Variants in INTS9 observed in about 807,000 individuals in gnomAD.
The protein encoded by INTS9 is integrator complex subunit 9, also known as protein related to CPSF subunits of 74 kDa.
Under a neutral mutation model 79.7 loss-of-function variants are expected in INTS9, and 55 were observed. The observed-to-expected ratio is 0.69, with a 90% CI of 0.56 to 0.86. INTS9 has a LOEUF of 0.86. Ranked by LOEUF, INTS9 falls within the 40% of genes least tolerant of loss-of-function variation. The pLI is 0.00. For synonymous variants in INTS9, 319 were observed against 325.2 expected, an observed-to-expected ratio of 0.98 and a Z score of 0.20; for missense variants, 721 against 831.5, an observed-to-expected ratio of 0.87 and a Z score of 1.64.
At chr8:28,876,660 G>A (rs899179539) in intron 1 of INTS9, among the ~76,000 whole-genome samples, 9 of 151,964 alleles carry the variant, frequency 5.9e-5, no homozygotes, top group African/African-American at 2.2e-4. Context: ...ATAAGCCACT[G>A]CAATTACATC....
intron 1 of INTS9, among the ~76,000 whole-genome samples, chr8:28,861,833 T>C (rs754637310): frequency 1.3e-5 from 2 of 152,196 alleles, no homozygotes. Context: ...AAGTGAGGAA[T>C]GCTAACGGCT....
At chr8:28,844,591 C>T (rs570792387) in intron 4 of INTS9, among the ~76,000 whole-genome samples, 6 of 152,076 alleles carry the variant, frequency 3.9e-5, no homozygotes, top group East Asian at 1.9e-4. Context: ...TTTGGGAGGC[C>T]GAGGCAGGTG....
chr8:28,885,387 T>G (rs1266129241), intron 1 of INTS9, among the ~76,000 whole-genome samples: 2 of 152,220 alleles, frequency 1.3e-5, no homozygotes, highest in Non-Finnish European at 2.9e-5. Context: ...CCCAAAGGAT[T>G]AACATTAATC....
chr8:28,888,118 T>C (rs1374293739), intron 1 of INTS9, among the ~76,000 whole-genome samples: 3 of 152,212 alleles, frequency 2.0e-5, no homozygotes, highest in Non-Finnish European at 2.9e-5. Flanking sequence ...CTGACCTCTT[T>C]CATGGAAGGC....
At chr8:28,846,331 A>G (rs1001956491) in intron 4 of INTS9, among the ~76,000 whole-genome samples, 1 of 152,236 alleles carries the variant, frequency 6.6e-6, no homozygotes, top group Non-Finnish European at 1.5e-5. Flanking sequence ...ACAATATTCA[A>G]TATGGTATTT....
rs771089801 is a variant in INTS9 at position 28,793,881 on chromosome 8, A to G, written c.963T>C (p.Leu321=). Residue 321 remains leucine (L), a synonymous_variant, in exon 10 of 17, where the codon CTT becomes CTC. Coordinates refer to ENST00000521022, the MANE Select transcript of INTS9 (RefSeq NM_018250.4). ...CLYQYIDSAG[L]SSVPLYFISP... is the part of the protein sequence containing the mutation. ...AGATGAAGTAGAGGGGGACGCTGGA[A>G]AGCCCGGCTGAGTCGATGTACTGAT... 2.5e-6 allele frequency: 4 copies of G among 1,614,090 alleles called. No homozygotes were observed. In the Admixed American group the frequency reaches 6.7e-5, roughly 27 times the overall value.
chr8:28,865,260 A>T lies in INTS9; in HGVS notation c.10-5697T>A, dbSNP rs186732583. Among the ~76,000 whole-genome samples, 606 of 151,728 alleles carry T rather than the reference A, an allele frequency of 4.0e-3. 3 individuals carry two copies. Among genetic ancestry groups the T allele is most frequent in the African/African-American group, 0.014 (571 of 41,408 alleles). Reference sequence around the variant, plus strand: ...CTGTGCAGATATAAAATTTTATTTTAAAAAAAACACATTAGACAATGATTC... The same window carrying T: ...CTGTGCAGATATAAAATTTTATTTTTAAAAAAACACATTAGACAATGATTC... On this transcript the variant is annotated intron_variant, in intron 1 of 16. Transcript: ENST00000521022.
chr8:28,792,940 A>G (rs1232374867), intron 10 of INTS9, among the ~76,000 whole-genome samples: 1 of 151,818 alleles, frequency 6.6e-6, no homozygotes. Flanking sequence ...ACAAAGAAGA[A>G]TAATTTGTAC....
At chr8:28,821,450 C>T (rs1805823189) in intron 6 of INTS9, among the ~76,000 whole-genome samples, 1 of 152,198 alleles carries the variant, frequency 6.6e-6, no homozygotes, top group South Asian at 2.1e-4. Flanking sequence ...CCCCCTGGGT[C>T]CCTCCCACAA....
At chr8:28,846,499 C>T (rs986217664) in intron 4 of INTS9, among the ~76,000 whole-genome samples, 3 of 152,084 alleles carry the variant, frequency 2.0e-5, no homozygotes, top group African/African-American at 7.2e-5. Flanking sequence ...CTATGCCCTA[C>T]TAGGAGTATT....
In INTS9 at chr8:28,768,007, A is replaced by G. The variant is rs1324719290; in HGVS notation, c.*139T>C. The G allele has an allele frequency of 5.2e-6, 4 of 763,002 alleles. No homozygotes were observed. Among genetic ancestry groups the G allele is most frequent in the African/African-American group, 5.2e-5 (3 of 57,970 alleles). The allele number at this position is 763,002 out of a possible 1,614,324, so 47.3% of individuals were successfully genotyped here. On this transcript the variant is annotated 3_prime_UTR_variant, in exon 17 of 17. Coordinates refer to ENST00000521022, the MANE Select transcript of INTS9 (RefSeq NM_018250.4). ...GAATAAGTCCAGACCATTTCCCTCA[A>G]GAGCCACCTCTTCACTCCTTAAGCC... is the stretch of plus-strand genomic sequence containing the variant.
At chr8:28,768,505 G>A in intron 16 of INTS9, 183 bp from the exon 17 acceptor site, 1 of 618,900 alleles carries the variant, frequency 1.6e-6, no homozygotes, top group African/African-American at 1.8e-5. Flanking sequence ...CCCTAAACAT[G>A]CAAAAGCTCA....
At chr8:28,859,357 A>C in intron 2 of INTS9, 79 bp downstream of exon 2, 1 of 1,447,276 alleles carries the variant, frequency 6.9e-7, no homozygotes, top group Non-Finnish European at 9.5e-7. Context: ...TATACTAGGT[A>C]CTAGTAACCT....
intron 11 of INTS9, among the ~76,000 whole-genome samples, chr8:28,782,820 A>G (rs549441884): frequency 2.0e-5 from 3 of 152,270 alleles, no homozygotes; most frequent in Admixed American, 1.3e-4. Flanking sequence ...GTAATCTATG[A>G]TTGCAACGCT....
chr8:28,770,942 G>T, intron 15 of INTS9, 40 bp downstream of exon 15: 1 of 1,424,440 alleles, frequency 7.0e-7, no homozygotes, highest in Non-Finnish European at 9.9e-7. Context: ...GTTTCTTGCT[G>T]GGGAGAGGGT....
chr8:28,844,404 G>GT, intron 4 of INTS9, among the ~76,000 whole-genome samples: 1 of 152,252 alleles, frequency 6.6e-6, no homozygotes, highest in South Asian at 2.1e-4. Context: ...GCAGGGTGTG[G>GT]TTGTGTGCAC....
At chr8:28,769,668 CCTT>C (rs1802414352) in intron 16 of INTS9, 1 of 559,098 alleles carries the variant, frequency 1.8e-6, no homozygotes, top group Admixed American at 3.4e-5. Flanking sequence ...TCTGGAGAGG[CCTT>C]CTGGTGACCT....
chr8:28,776,166 C>T (rs1311706360), intron 13 of INTS9: 4 of 424,420 alleles, frequency 9.4e-6, no homozygotes, highest in African/African-American at 6.2e-5. Context: ...ATCTTTCTTA[C>T]TCTTTACATA....
At chr8:28,820,750 G>A (rs1172759973) in intron 6 of INTS9, among the ~76,000 whole-genome samples, 3 of 152,172 alleles carry the variant, frequency 2.0e-5, no homozygotes, top group African/African-American at 7.2e-5. Flanking sequence ...ACTGAAGACT[G>A]AGTTTCAGAC....
Sources: allele counts gnomAD v4.1 joint callset (sites outside exome capture counted in the v4.1 genomes callset), GRCh38; gene constraint gnomAD v4.1.1; transcripts MANE v1.5; gene names NCBI Gene and HGNC (gene_info 2026-07-23, HGNC 2026-07-21).